WDR33: variants seen among roughly 807,000 people sequenced by gnomAD.
WDR33 encodes WD repeat domain 33.
In WDR33, 47 loss-of-function variants were observed where a neutral mutation model predicts 164.9. The ratio of observed to expected loss-of-function variants is 0.29; its 90% confidence interval spans 0.23 to 0.36. WDR33 has a LOEUF of 0.36. Ranked by LOEUF, WDR33 falls within the 10% of genes least tolerant of loss-of-function variation. The pLI, the probability that WDR33 is intolerant of heterozygous loss-of-function variation, is 1.00. For synonymous variants in WDR33, 505 were observed against 589.0 expected, an observed-to-expected ratio of 0.86 and a Z score of 2.06; for missense variants, 1,137 against 1,754.1, an observed-to-expected ratio of 0.65 and a Z score of 6.28.
Position 127,708,582 on chromosome 2 carries a change from ACAGCC to A in WDR33, c.3781+90_3781+94del. ...CACATTTAGGAGCATGTGCCTCTGC[ACAGCC>A]CAGGCTGCAAGGGCATGTGCAGCAG... On this transcript the variant is annotated intron_variant, in intron 21 of 21. Coordinates refer to ENST00000322313, the MANE Select transcript of WDR33 (RefSeq NM_018383.5). This position sits in a 1 kb window ranked among gnomAD's most constrained non-coding sequence, Gnocchi z 6.7. 7.3e-7 allele frequency: 1 copy of A among 1,375,222 alleles called. No individual in the cohort carries two copies. 85.2% of individuals were successfully genotyped at this position (1,375,222 alleles called of 1,614,324 possible).
intron 1 of WDR33, among the ~76,000 whole-genome samples, chr2:127,771,557 G>A (rs751868415): frequency 6.6e-6 from 1 of 152,108 alleles, no homozygotes; most frequent in Non-Finnish European, 1.5e-5. Flanking sequence ...CGGAAGGATC[G>A]CTTGAGGCCA....
intron 1 of WDR33, among the ~76,000 whole-genome samples, chr2:127,790,471 T>A (rs2105478904): frequency 6.6e-6 from 1 of 152,356 alleles, no homozygotes; most frequent in South Asian, 2.1e-4. Flanking sequence ...GTATGCCTTC[T>A]AATATTTCCT....
chr2:127,723,327 C>A lies in WDR33; in HGVS notation c.1217G>T (p.Arg406Leu). 6.2e-7 allele frequency: 1 copy of A among 1,613,742 alleles called. No homozygotes were observed. The highest frequency in any genetic ancestry group is 1.1e-5 in the South Asian group (1 of 90,974). ...TCGATCTCGCATTTTATCACCTGGT[C>A]GGTTTCGAGTCCAGAATTTGCTGTA... ...DHTSKFWTRNRPGDKMRDRYN... is the reference protein window; with the variant it reads ...DHTSKFWTRNLPGDKMRDRYN... Residue 406 changes from arginine to leucine, a missense_variant, in exon 12 of 22, where the codon CGA (arginine) becomes CTA (leucine). By Grantham distance (102) the Arg-to-Leu change is moderately radical. This residue lies in a region of WDR33 where 21 missense variants were observed against 102.2 expected (regional missense o/e 0.21). Transcript: ENST00000322313. This position sits in a 1 kb window ranked among gnomAD's most constrained non-coding sequence, Gnocchi z 5.9.
intron 1 of WDR33, among the ~76,000 whole-genome samples, chr2:127,773,145 A>T (rs937066767): frequency 6.6e-6 from 1 of 152,118 alleles, no homozygotes; most frequent in African/African-American, 2.4e-5. Context: ...CCAAAAATAA[A>T]ATAAAAGAAT....
chr2:127,711,751 G>GATAGATAT (rs1157627935), intron 18 of WDR33, among the ~76,000 whole-genome samples: 1 of 71,600 alleles, frequency 1.4e-5, no homozygotes, highest in African/African-American at 9.9e-5. Context: ...CACATATACA[G>GATAGATAT]ATATATATAT....
chr2:127,733,900 T>C (rs1261178035), intron 7 of WDR33, among the ~76,000 whole-genome samples: 1 of 152,178 alleles, frequency 6.6e-6, no homozygotes, highest in Non-Finnish European at 1.5e-5. Flanking sequence ...ACTCTGCAGA[T>C]GAGAACACGG....
rs1686401959 is a variant in WDR33, at chr2:127,720,175, A to T, written c.1850T>A (p.Met617Lys). ...SQQMPMNMAQ[M>K]GPPGPQGQFR... ...CTGTCCCTGTGGACCTGGAGGCCCC[A>T]TTTGAGCCATGTTCATTGGCATCTG... is the stretch of plus-strand genomic sequence containing the variant. Residue 617 changes from methionine to lysine, a missense_variant, in exon 16 of 22, where the codon ATG becomes AAG. Transcript: ENST00000322313. The surrounding 1 kb of genome is among the most constrained non-coding windows in gnomAD (Gnocchi z 5.9). The T allele has an allele frequency of 1.2e-6, 2 of 1,613,454 alleles. No homozygotes were observed. Among genetic ancestry groups the T allele is most frequent in the Middle Eastern group, 1.7e-4 (1 of 6,054 alleles).
chr2:127,766,737 C>T (rs545739731), intron 4 of WDR33, among the ~76,000 whole-genome samples: 1 of 152,034 alleles, frequency 6.6e-6, no homozygotes, highest in South Asian at 2.1e-4. Context: ...AAAAATTAGA[C>T]TACACACTGG....
At position 127,702,918 on chromosome 2, in the gene WDR33, C is replaced by T. The variant is rs1170486169; in HGVS notation, c.*3405G>A. ...TGCAAATAGAAAGATAATTCTAGAT[C>T]CGGAATACCTGTATCTGGTGGAAAC... On this transcript the variant is annotated 3_prime_UTR_variant, in exon 22 of 22. Coordinates refer to ENST00000322313, the MANE Select transcript of WDR33 (RefSeq NM_018383.5). The T allele has an allele frequency of 1.2e-5, 2 of 166,998 alleles. No homozygotes were observed. Among genetic ancestry groups the T allele is most frequent in the African/African-American group, 4.8e-5 (2 of 41,438 alleles). The allele number at this position is 166,998 out of a possible 1,614,324, so 10.3% of individuals were successfully genotyped here. A position where few individuals can be genotyped will look rare whatever the true frequency, so the allele number is the denominator to read the frequency against.
intron 1 of WDR33, among the ~76,000 whole-genome samples, chr2:127,793,972 C>T (rs539266983): frequency 1.3e-5 from 2 of 151,632 alleles, no homozygotes; most frequent in East Asian, 3.9e-4. Context: ...CTGTCTCTAC[C>T]AAAATACAAA....
chr2:127,746,583 CGAG>C (rs1430622211), intron 7 of WDR33, among the ~76,000 whole-genome samples: 2 of 152,122 alleles, frequency 1.3e-5, no homozygotes, highest in African/African-American at 2.4e-5. Context: ...CCTTTACAGA[CGAG>C]GAGAGGCAAG....
At chr2:127,732,715 GCTTTTCA>G (rs1455445396) in intron 7 of WDR33, among the ~76,000 whole-genome samples, 1 of 152,150 alleles carries the variant, frequency 6.6e-6, no homozygotes, top group African/African-American at 2.4e-5. Context: ...CAGGGATGCA[GCTTTTCA>G]CTGACAGCTC....
Position 127,710,822 on chromosome 2 carries a change from C to G in WDR33, c.3309-966G>C, listed in dbSNP as rs77629053. On this transcript the variant is annotated intron_variant, in intron 18 of 21. Coordinates refer to ENST00000322313, the MANE Select transcript of WDR33 (RefSeq NM_018383.5). The surrounding 1 kb of genome is among the most constrained non-coding windows in gnomAD (Gnocchi z 4.4). ...ATTCCATTGCCTTTATCCTAATCTTCTACTTGGAAGATTTTCAAACTTACA... is the reference window on the plus strand; with the variant it reads ...ATTCCATTGCCTTTATCCTAATCTTGTACTTGGAAGATTTTCAAACTTACA... Among the ~76,000 whole-genome samples the G allele has an allele frequency of 7.0e-3, 1,068 of 152,288 alleles. 10 individuals carry two copies. Among genetic ancestry groups the G allele is most frequent in the African/African-American group, 0.024 (1,017 of 41,562 alleles).
chr2:127,730,135 C>T (rs913393859), intron 7 of WDR33, among the ~76,000 whole-genome samples: 1 of 151,980 alleles, frequency 6.6e-6, no homozygotes, highest in Non-Finnish European at 1.5e-5. Context: ...ACGTTAATGA[C>T]CTATTGAGAA....
rs1558915156 is a variant in WDR33 at position 127,703,371 on chromosome 2, A to G, written c.*2952T>C. ...ACCACTTTTCTGTGCATTGGCTTGC[A>G]CAATTTGAAAGTAATGCTTTTCCTG... is the stretch of plus-strand genomic sequence containing the variant. On this transcript the variant is annotated 3_prime_UTR_variant, in exon 22 of 22. Transcript: ENST00000322313. 6.0e-6 allele frequency: 1 copy of G among 167,072 alleles called. No individual in the cohort carries two copies. The highest frequency in any genetic ancestry group is 2.4e-5 in the African/African-American group (1 of 41,452). The allele number at this position is 167,072 out of a possible 1,614,324, so 10.3% of individuals were successfully genotyped here.
At chr2:127,729,646 C>T (rs1243638722) in intron 7 of WDR33, among the ~76,000 whole-genome samples, 3 of 152,154 alleles carry the variant, frequency 2.0e-5, no homozygotes, top group East Asian at 1.9e-4. Flanking sequence ...CAGGCGCCCA[C>T]CACCACGCCC....
At chr2:127,760,404 T>C (rs1558941317) in intron 7 of WDR33, among the ~76,000 whole-genome samples, 1 of 152,226 alleles carries the variant, frequency 6.6e-6, no homozygotes, top group African/African-American at 2.4e-5. Context: ...ACTGATATTT[T>C]AGAGGTTAGA....
intron 7 of WDR33, chr2:127,736,571 A>T: frequency 1.0e-6 from 1 of 985,462 alleles, no homozygotes; most frequent in East Asian, 1.1e-4. Context: ...CTATGTAGGT[A>T]AAATGGTTTC....
intron 1 of WDR33, among the ~76,000 whole-genome samples, chr2:127,776,314 G>GATAC (rs1292947042): frequency 6.6e-6 from 1 of 152,192 alleles, no homozygotes; most frequent in East Asian, 1.9e-4. Context: ...GAACTGAGAA[G>GATAC]ATACATTTCT....
Sources: allele counts gnomAD v4.1 joint callset (sites outside exome capture counted in the v4.1 genomes callset), GRCh38; gene constraint gnomAD v4.1.1; regional missense constraint gnomAD v4.1.1; non-coding constraint Gnocchi (gnomAD v3.1); transcripts MANE v1.5; gene names NCBI Gene and HGNC (gene_info 2026-07-23, HGNC 2026-07-21).